Variants in WDR37 observed in about 807,000 individuals in gnomAD.
The protein encoded by WDR37 is WD repeat domain 37, also known as WD repeat-containing protein 37.
WDR37 carries 19 observed loss-of-function variants against 62.9 expected under a neutral mutation model. The observed-to-expected ratio is 0.30, with a 90% CI of 0.21 to 0.44. The LOEUF (loss-of-function observed/expected upper bound fraction) is 0.44, where lower values mean the gene tolerates loss of function less well. Among genes scored for constraint, WDR37 ranks in the 20% least tolerant of loss-of-function variants. The probability of loss-of-function intolerance (pLI) is 1.00; values close to 1 mark genes in which losing one functional copy is unlikely to be tolerated. For missense variants in WDR37, 474 were observed against 657.6 expected, an observed-to-expected ratio of 0.72 and a Z score of 3.05; for synonymous variants, 250 against 260.9, an observed-to-expected ratio of 0.96 and a Z score of 0.40.
chr10:1,086,185 C>T (rs114169924), intron 6 of WDR37, 101 bp from the exon 7 acceptor site: 27 of 860,454 alleles, frequency 3.1e-5, no homozygotes, highest in Non-Finnish European at 4.3e-5. Context: ...TATCAGTGGT[C>T]GTGTAATTTC....
chr10:1,088,563 T>G (rs916640097), intron 7 of WDR37, among the ~76,000 whole-genome samples: 5 of 152,112 alleles, frequency 3.3e-5, no homozygotes, highest in Admixed American at 2.6e-4. Flanking sequence ...TGAGTAAGTT[T>G]GTGGTCTTAT....
rs1163684446 is a variant in WDR37, at chr10:1,121,086, C to T, written c.1104-3132C>T. On this transcript the variant is annotated intron_variant, in intron 11 of 13. Coordinates refer to ENST00000263150, the MANE Select transcript of WDR37 (RefSeq NM_014023.4). This position sits in a 1 kb window ranked among gnomAD's most constrained non-coding sequence, Gnocchi z 4.5. The stretch of plus-strand genomic sequence containing the variant: ...ACCATTTCCAGTGCACGGCCGTGCG[C>T]GCCAGCCTCCCCATGGGACCTGTGG... 1.3e-5 allele frequency among the ~76,000 whole-genome samples: 2 copies of T among 152,204 alleles called. No individual in the cohort carries two copies. The highest frequency in any genetic ancestry group is 2.9e-5 in the Non-Finnish European group (2 of 68,036).
chr10:1,105,189 C>G lies in WDR37; in HGVS notation c.1025C>G (p.Ser342Cys), dbSNP rs988259083. The G allele has an allele frequency of 1.2e-6, 2 of 1,614,162 alleles. No individual in the cohort carries two copies. Among genetic ancestry groups the G allele is most frequent in the Non-Finnish European group, 1.7e-6 (2 of 1,180,032 alleles). ...HPTQRLVVTS[S>C]RDTTFRLWDF... is the part of the protein sequence containing the mutation. ...ACCCAGCGGCTCGTGGTGACCTCCT[C>G]CCGTGACACGACTTTCCGCCTCTGG... The change falls in exon 11 of 14, where the codon TCC becomes TGC. Residue 342 changes from serine to cysteine, a missense_variant. Ser to Cys is a moderately radical substitution (Grantham distance 112). Transcript: ENST00000263150. This position sits in a 1 kb window ranked among gnomAD's most constrained non-coding sequence, Gnocchi z 5.3.
chr10:1,062,056 G>T (rs1386601846), intron 1 of WDR37, among the ~76,000 whole-genome samples: 2 of 151,736 alleles, frequency 1.3e-5, no homozygotes, highest in Non-Finnish European at 2.9e-5. Context: ...AGGATGTGGT[G>T]TGAAAGGAAG....
At chr10:1,064,856 G>A (rs181611928) in intron 1 of WDR37, among the ~76,000 whole-genome samples, 5 of 151,982 alleles carry the variant, frequency 3.3e-5, no homozygotes, top group East Asian at 1.9e-4. Flanking sequence ...CCTCCCTCAC[G>A]CTTGCTGGAA....
intron 1 of WDR37, among the ~76,000 whole-genome samples, chr10:1,066,409 C>CAT (rs1554822538): frequency 1.3e-5 from 2 of 152,204 alleles, no homozygotes; most frequent in Non-Finnish European, 2.9e-5. Context: ...AGCCACCTCG[C>CAT]CCAGCCCGAT....
intron 11 of WDR37, among the ~76,000 whole-genome samples, chr10:1,115,484 C>T (rs938899230): frequency 6.6e-6 from 1 of 152,168 alleles, no homozygotes; most frequent in African/African-American, 2.4e-5. Context: ...GAAAGGTAAA[C>T]ACAGTTTTGC....
intron 4 of WDR37, 131 bp downstream of exon 4, chr10:1,080,237 C>G: frequency 7.9e-7 from 1 of 1,267,072 alleles, no homozygotes; most frequent in Non-Finnish European, 1.1e-6. Flanking sequence ...AGGTGTGGGT[C>G]TAGGAGAATA....
At chr10:1,065,823 T>A (rs1053634155) in intron 1 of WDR37, among the ~76,000 whole-genome samples, 10 of 152,108 alleles carry the variant, frequency 6.6e-5, no homozygotes, top group Admixed American at 2.0e-4. Context: ...CTGGAATTTC[T>A]AGCCAAATCA....
rs751976072 is a variant in WDR37 at position 1,103,872 on chromosome 10, G to A, written c.961+36G>A. 3.8e-6 allele frequency: 6 copies of A among 1,599,756 alleles called. No homozygotes were observed. Among genetic ancestry groups the A allele is most frequent in the East Asian group, 2.3e-5 (1 of 44,422 alleles). On this transcript the variant is annotated intron_variant, in intron 10 of 13. Coordinates refer to ENST00000263150, the MANE Select transcript of WDR37 (RefSeq NM_014023.4). The surrounding 1 kb of genome is among the most constrained non-coding windows in gnomAD (Gnocchi z 6.3). ...TCTCTGAGTCCGCCGCCTCCTGGCT[G>A]TGCATGTTAGTTTATGTCCATGGGT...
rs886097517 is a variant in WDR37, at chr10:1,074,499, A to T, written c.138+2206A>T. The stretch of plus-strand genomic sequence containing the variant: ...GCAGTGATTCGGAGTGGGACCGGTC[A>T]GCATGTTCTGTAAGTGGCCCCCGTG... On this transcript the variant is annotated intron_variant, in intron 2 of 13. Coordinates refer to ENST00000263150, the MANE Select transcript of WDR37 (RefSeq NM_014023.4). The T allele has an allele frequency of 3.8e-6, 5 of 1,304,342 alleles. No homozygotes were observed. The African/African-American group carries it at 6.1e-5, about 16-fold the overall frequency. 80.8% of individuals were successfully genotyped at this position (1,304,342 alleles called of 1,614,324 possible). A position where few individuals can be genotyped will look rare whatever the true frequency, so the allele number is the denominator to read the frequency against.
intron 1 of WDR37, among the ~76,000 whole-genome samples, chr10:1,059,362 G>T (rs1423870474): frequency 6.6e-6 from 1 of 152,170 alleles, no homozygotes; most frequent in Non-Finnish European, 1.5e-5. Flanking sequence ...GGGAGACAGA[G>T]CGAGATTCTG....
intron 2 of WDR37, 30 bp from the exon 3 acceptor site, chr10:1,077,877 A>T: frequency 2.6e-6 from 4 of 1,535,696 alleles, no homozygotes; most frequent in Non-Finnish European, 3.6e-6. Flanking sequence ...TCATTCATTC[A>T]TTCATTTTAA....
chr10:1,082,530 A>G (rs1371155782), intron 5 of WDR37, among the ~76,000 whole-genome samples: 2 of 152,216 alleles, frequency 1.3e-5, no homozygotes, highest in Admixed American at 6.5e-5. Flanking sequence ...CCGCAGTTCA[A>G]ACGATCTGGG....
chr10:1,090,275 C>T (rs541792459), intron 7 of WDR37, among the ~76,000 whole-genome samples: 8 of 152,334 alleles, frequency 5.3e-5, no homozygotes, highest in South Asian at 2.1e-4. Context: ...TCTCCTGCTT[C>T]GGCCTCCCGA....
chr10:1,068,831 A>G (rs766467727), intron 1 of WDR37, among the ~76,000 whole-genome samples: 1 of 152,238 alleles, frequency 6.6e-6, no homozygotes, highest in African/African-American at 2.4e-5. Flanking sequence ...GAAACAACCA[A>G]ATGTCTGTCA....
chr10:1,118,618 G>T (rs1467596438), intron 11 of WDR37, among the ~76,000 whole-genome samples: 14 of 152,206 alleles, frequency 9.2e-5, no homozygotes, highest in African/African-American at 3.4e-4. Context: ...AGGGTTTCTG[G>T]TGCTCAGCAG....
Position 1,106,076 on chromosome 10 carries a change from C to T in WDR37, c.1103+809C>T, listed in dbSNP as rs531768510. 1.6e-4 allele frequency among the ~76,000 whole-genome samples: 24 copies of T among 152,222 alleles called. 1 individual carries two copies. The South Asian group carries it at 3.7e-3, about 24-fold the overall frequency. On this transcript the variant is annotated intron_variant, in intron 11 of 13. Coordinates refer to ENST00000263150, the MANE Select transcript of WDR37 (RefSeq NM_014023.4). The stretch of plus-strand genomic sequence containing the variant: ...CTGGGATTACAGGCGTGAGCCACCG[C>T]GCCCAGCCGTGTAAGGTCTTAACAG...
At chr10:1,127,448 C>G (rs562712111) in intron 13 of WDR37, among the ~76,000 whole-genome samples, 6 of 151,230 alleles carry the variant, frequency 4.0e-5, no homozygotes, top group Non-Finnish European at 7.4e-5. Context: ...TCACAGAACC[C>G]TGCTGGAAAT....
Sources: allele counts gnomAD v4.1 joint callset (sites outside exome capture counted in the v4.1 genomes callset), GRCh38; gene constraint gnomAD v4.1.1; non-coding constraint Gnocchi (gnomAD v3.1); transcripts MANE v1.5; gene names NCBI Gene and HGNC (gene_info 2026-07-23, HGNC 2026-07-21).